The following FAM234B variants were observed in gnomAD, a reference collection of about 807,000 sequenced individuals.
FAM234B encodes family with sequence similarity 234 member B.
FAM234B carries 33 observed loss-of-function variants against 69.3 expected under a neutral mutation model. The observed-to-expected ratio is 0.48, with a 90% CI of 0.36 to 0.64. The LOEUF is 0.64. Among genes scored for constraint, FAM234B ranks in the 30% least tolerant of loss-of-function variants. The pLI, the probability that FAM234B is intolerant of heterozygous loss-of-function variation, is 0.00. For missense variants in FAM234B, 697 were observed against 769.7 expected, an observed-to-expected ratio of 0.91 and a Z score of 1.12; for synonymous variants, 306 against 306.9, an observed-to-expected ratio of 1.00 and a Z score of 0.03.
In FAM234B at chr12:13,068,418, C is replaced by A. The variant is rs1164904262; in HGVS notation, c.1257C>A (p.Tyr419Ter). 6.2e-7 allele frequency: 1 copy of A among 1,614,190 alleles called. No individual in the cohort carries two copies. Among genetic ancestry groups the A allele is most frequent in the Admixed American group, 1.7e-5 (1 of 60,028 alleles). ...VLLRGQNLTP[Y>*]WALRLQGLRS... Reference sequence around the variant, plus strand: ...TTCGGGGGCAAAATCTGACACCTTACTGGGCATTGAGACTTCAAGGCCTGC... The same window carrying A: ...TTCGGGGGCAAAATCTGACACCTTAATGGGCATTGAGACTTCAAGGCCTGC... The change falls in exon 8 of 13, where the codon TAC becomes TAA. Residue 419 changes from tyrosine to a stop codon, truncating the protein, a stop_gained. Coordinates refer to ENST00000197268, the MANE Select transcript of FAM234B (RefSeq NM_020853.2). LOFTEE classifies it high-confidence loss of function.
At chr12:13,058,321 G>T in intron 2 of FAM234B, 130 bp from the exon 3 acceptor site, 1 of 731,358 alleles carries the variant, frequency 1.4e-6, no homozygotes, top group South Asian at 1.5e-5. Flanking sequence ...AGGGGGAGTA[G>T]GGAGAGGTGT....
At chr12:13,078,297 T>G (rs1448982549) in intron 11 of FAM234B, among the ~76,000 whole-genome samples, 2 of 152,270 alleles carry the variant, frequency 1.3e-5, no homozygotes, top group Middle Eastern at 3.4e-3. Flanking sequence ...GTCAATTTTG[T>G]CTTTTGTTGC....
chr12:13,062,741 T>A, intron 4 of FAM234B, 104 bp from the exon 5 acceptor site: 1 of 1,232,738 alleles, frequency 8.1e-7, no homozygotes. Flanking sequence ...TGCTGTCTGT[T>A]GTTCAGCCCC....
intron 10 of FAM234B, among the ~76,000 whole-genome samples, chr12:13,073,370 T>G (rs1335745968): frequency 6.6e-6 from 1 of 152,174 alleles, no homozygotes; most frequent in Non-Finnish European, 1.5e-5. Context: ...AGACTGACAC[T>G]CAGGCCTTGG....
In FAM234B at chr12:13,058,456, G is replaced by A; in HGVS notation, c.439G>A (p.Asp147Asn). 6.2e-7 allele frequency: 1 copy of A among 1,613,620 alleles called. No individual in the cohort carries two copies. The highest frequency in any genetic ancestry group is 8.5e-7 in the Non-Finnish European group (1 of 1,179,576). ...SRHLGSQGGG[D>N]LSPLELADVN... The stretch of plus-strand genomic sequence containing the variant: ...GTTTTTTATGTGTATAACAGGTGGG[G>A]ACCTGTCTCCATTGGAATTGGCTGA... The change falls in exon 3 of 13, where the codon GAC (aspartate) becomes AAC (asparagine). Residue 147 changes from aspartate to asparagine, a missense_variant. Coordinates refer to ENST00000197268, the MANE Select transcript of FAM234B (RefSeq NM_020853.2).
At position 13,082,424 on chromosome 12, in the gene FAM234B, T is replaced by C. The variant is rs1338949810; in HGVS notation, c.*1794T>C. On this transcript the variant is annotated 3_prime_UTR_variant, in exon 13 of 13. Coordinates refer to ENST00000197268, the MANE Select transcript of FAM234B (RefSeq NM_020853.2). ...CATGCATGTTGCCTGGCCTGTAGAT[T>C]GGCCTTATCAGGTTTCTGGGTGCCT... The C allele has an allele frequency of 1.3e-5, 2 of 152,202 alleles. No homozygotes were observed. Among genetic ancestry groups the C allele is most frequent in the Non-Finnish European group, 2.9e-5 (2 of 68,030 alleles). The allele number at this position is 152,202 out of a possible 1,614,324, so 9.4% of individuals were successfully genotyped here. A position where few individuals can be genotyped will look rare whatever the true frequency, so the allele number is the denominator to read the frequency against.
chr12:13,078,534 G>T (rs1865188124), intron 11 of FAM234B, among the ~76,000 whole-genome samples: 1 of 152,170 alleles, frequency 6.6e-6, no homozygotes, highest in Non-Finnish European at 1.5e-5. Flanking sequence ...GGAAGTTCTG[G>T]CTAGGGCAGT....
intron 1 of FAM234B, among the ~76,000 whole-genome samples, chr12:13,045,476 A>G (rs1168914370): frequency 1.3e-5 from 2 of 152,158 alleles, no homozygotes; most frequent in African/African-American, 4.8e-5. Flanking sequence ...TTGGATAGCT[A>G]GTTTGAGCTT....
chr12:13,046,185 C>G (rs938028914), intron 1 of FAM234B, among the ~76,000 whole-genome samples: 2 of 96,568 alleles, frequency 2.1e-5, no homozygotes, highest in Non-Finnish European at 3.9e-5. Flanking sequence ...CGCGCCCGAT[C>G]TCGTCTGATC....
rs113370937 is a variant in FAM234B at position 13,080,671 on chromosome 12, G to T, written c.*41G>T. On this transcript the variant is annotated 3_prime_UTR_variant, in exon 13 of 13. Transcript: ENST00000197268. ...AGTTGCAGAAGAAGTGAACAGAGTG[G>T]ATACCCTCTCTACTCTCCTGTCACT... 0.029 allele frequency: 44,299 copies of T among 1,544,884 alleles called. 808 individuals carry two copies. Among genetic ancestry groups the T allele is most frequent in the Non-Finnish European group, 0.034 (37,545 of 1,117,712 alleles).
At chr12:13,078,280 C>T (rs1293389690) in intron 11 of FAM234B, among the ~76,000 whole-genome samples, 2 of 152,022 alleles carry the variant, frequency 1.3e-5, no homozygotes, top group Non-Finnish European at 2.9e-5. Context: ...TTAATTAGAT[C>T]CCGTTTGTCA....
At chr12:13,051,625 A>G (rs1864877683) in intron 1 of FAM234B, among the ~76,000 whole-genome samples, 1 of 152,232 alleles carries the variant, frequency 6.6e-6, no homozygotes. Flanking sequence ...CTCTGGTCAG[A>G]CTGTACCTGG....
intron 1 of FAM234B, among the ~76,000 whole-genome samples, chr12:13,045,069 A>C (rs181014302): frequency 2.6e-5 from 4 of 152,354 alleles, no homozygotes; most frequent in African/African-American, 4.8e-5. Flanking sequence ...CCACTTGGTC[A>C]GTCTCCAGCT....
In FAM234B at chr12:13,071,334, T is replaced by C. The variant is rs1464014996; in HGVS notation, c.1462T>C (p.Ser488Pro). The C allele has an allele frequency of 6.2e-7, 1 of 1,614,190 alleles. No individual in the cohort carries two copies. Among genetic ancestry groups the C allele is most frequent in the Admixed American group, 1.7e-5 (1 of 60,030 alleles). Residue 488 changes from serine to proline, a missense_variant, in exon 10 of 13, where the codon TCA becomes CCA. Ser to Pro is a moderately conservative substitution (Grantham distance 74). Coordinates refer to ENST00000197268, the MANE Select transcript of FAM234B (RefSeq NM_020853.2). ...AACGCCAGCCACCTCAGCAGTTACTTCAGACCAGAAGTCTGTCTTCCTCTT... is the reference window on the plus strand; with the variant it reads ...AACGCCAGCCACCTCAGCAGTTACTCCAGACCAGAAGTCTGTCTTCCTCTT... ...KETPATSAVT[S>P]DQKSVFLFWA...
chr12:13,073,302 T>A (rs1168188757), intron 10 of FAM234B, among the ~76,000 whole-genome samples: 12 of 152,162 alleles, frequency 7.9e-5, no homozygotes, highest in Non-Finnish European at 1.5e-4. Context: ...GCCAATGTTA[T>A]CATTCTTTAG....
chr12:13,080,251 G>A (rs532281166), intron 12 of FAM234B, among the ~76,000 whole-genome samples: 16 of 152,292 alleles, frequency 1.1e-4, no homozygotes, highest in South Asian at 4.1e-4. Context: ...ATGTGGGGTC[G>A]TGGTTTTTAT....
intron 3 of FAM234B, among the ~76,000 whole-genome samples, chr12:13,061,251 T>C (rs1472021045): frequency 6.6e-6 from 1 of 152,208 alleles, no homozygotes; most frequent in Non-Finnish European, 1.5e-5. Flanking sequence ...TGAGACAGTC[T>C]TTCTCCTTAA....
chr12:13,059,783 C>T (rs897217297), intron 3 of FAM234B, among the ~76,000 whole-genome samples: 5 of 152,130 alleles, frequency 3.3e-5, no homozygotes, highest in African/African-American at 1.2e-4. Context: ...AGTAGATTTC[C>T]GTGCAATCAA....
chr12:13,059,404 C>T (rs912815554), intron 3 of FAM234B, among the ~76,000 whole-genome samples: 21 of 152,210 alleles, frequency 1.4e-4, no homozygotes, highest in Non-Finnish European at 1.9e-4. Flanking sequence ...CTTAAGAAAC[C>T]GTCCACAACT....
Sources: allele counts gnomAD v4.1 joint callset (sites outside exome capture counted in the v4.1 genomes callset), GRCh38; gene constraint gnomAD v4.1.1; transcripts MANE v1.5; gene names NCBI Gene and HGNC (gene_info 2026-07-23, HGNC 2026-07-21).